DENR: variants seen among roughly 807,000 people sequenced by gnomAD.
DENR encodes the protein density-regulated protein.
DENR carries 6 observed loss-of-function variants against 30.6 expected under a neutral mutation model. The observed-to-expected ratio is 0.20, with a 90% CI of 0.11 to 0.39. The LOEUF is 0.39. Ranked by LOEUF, DENR falls within the 10% of genes least tolerant of loss-of-function variation. The probability of loss-of-function intolerance (pLI) is 1.00; values close to 1 mark genes in which losing one functional copy is unlikely to be tolerated. For synonymous variants in DENR, 78 were observed against 72.1 expected, an observed-to-expected ratio of 1.08 and a Z score of -0.41; for missense variants, 141 against 230.9, an observed-to-expected ratio of 0.61 and a Z score of 2.52.
intron 2 of DENR, among the ~76,000 whole-genome samples, chr12:122,756,275 CCT>C (rs1196621590): frequency 4.4e-5 from 6 of 134,938 alleles, no homozygotes; most frequent in African/African-American, 2.4e-4. Context: ...ATGGTGAAAC[CCT>C]GTCTCTACTA....
chr12:122,762,920 C>A lies in DENR; in HGVS notation c.202C>A (p.Leu68Ile). The part of the protein sequence containing the change: ...EKNFPNEFAK[L>I]TVENSPKQEA... ...GAATTTTCCAAATGAATTTGCAAAA[C>A]TTACTGTAGGTATGAACATTTTTTT... is the stretch of plus-strand genomic sequence containing the variant. The change falls in exon 4 of 8, where the codon CTT (leucine) becomes ATT (isoleucine). Residue 68 changes from leucine to isoleucine, a missense_variant. Around this residue, in one of 2 missense-constraint regions of DENR, gnomAD observed 104 missense variants for 138.3 expected, o/e 0.75. Transcript: ENST00000280557. The A allele has an allele frequency of 2.6e-6, 4 of 1,540,458 alleles. No homozygotes were observed. Among genetic ancestry groups the A allele is most frequent in the Non-Finnish European group, 3.5e-6 (4 of 1,140,158 alleles).
chr12:122,761,502 T>G (rs1450431519), intron 2 of DENR, among the ~76,000 whole-genome samples: 1 of 152,014 alleles, frequency 6.6e-6, no homozygotes, highest in African/African-American at 2.4e-5. Context: ...TAAAAAGTGG[T>G]GGCTGTTTTG....
At chr12:122,753,589 C>G (rs1383956024) in intron 1 of DENR, 104 bp from the exon 2 acceptor site, 1 of 830,798 alleles carries the variant, frequency 1.2e-6, no homozygotes, top group African/African-American at 1.7e-5. Context: ...CAACAACAGA[C>G]TTGAAACAGC....
intron 2 of DENR, among the ~76,000 whole-genome samples, chr12:122,755,624 T>C (rs1878531027): frequency 6.6e-6 from 1 of 152,212 alleles, no homozygotes; most frequent in African/African-American, 2.4e-5. Flanking sequence ...CTGATACATT[T>C]ATTTTAACAA....
chr12:122,762,741 G>T, intron 3 of DENR, 104 bp from the exon 4 acceptor site: 2 of 771,626 alleles, frequency 2.6e-6, no homozygotes, highest in Non-Finnish European at 4.2e-6. Context: ...GGAGTGGTTT[G>T]TTTTATTCTT....
chr12:122,768,895 G>T lies in DENR; in HGVS notation c.526G>T (p.Asp176Tyr). 2 of 1,612,156 alleles carry T rather than the reference G, an allele frequency of 1.2e-6. No individual in the cohort carries two copies. The highest frequency in any genetic ancestry group is 1.7e-6 in the Non-Finnish European group (2 of 1,179,132). Residue 176 changes from aspartate (D) to tyrosine (Y), a missense_variant, in exon 7 of 8, where the codon GAT (aspartate) becomes TAT (tyrosine). Asp to Tyr is a radical substitution (Grantham distance 160, BLOSUM62 -3). This residue lies in a region of DENR where 37 missense variants were observed against 92.6 expected (regional missense o/e 0.40). Coordinates refer to ENST00000280557, the MANE Select transcript of DENR (RefSeq NM_003677.5). ...IQGDFTDDIIDVIQEKWPEVD... is the reference protein window; with the variant it reads ...IQGDFTDDIIYVIQEKWPEVD... ...GGGAGATTTTACAGATGACATAATT[G>T]ATGTCATTCAGGAAAAATGGCCAGA...
chr12:122,759,647 G>A (rs1038082609), intron 2 of DENR, among the ~76,000 whole-genome samples: 1 of 152,220 alleles, frequency 6.6e-6, no homozygotes, highest in Non-Finnish European at 1.5e-5. Context: ...CTTGGACCCA[G>A]GAGGTAGAGG....
rs1290906889 is a variant in DENR, at chr12:122,770,651, A to G, written c.*1573A>G. 1 of 398,458 alleles carries G rather than the reference A, an allele frequency of 2.5e-6. No individual in the cohort carries two copies. The highest frequency in any genetic ancestry group is 4.4e-6 in the Non-Finnish European group (1 of 226,056). The allele number at this position is 398,458 out of a possible 1,614,324, so 24.7% of individuals were successfully genotyped here. ...TTAAGTCAGGTGCTGCAAATTGGAA[A>G]GAAGACTTGTGGTGTTTTAAGTTGC... On this transcript the variant is annotated 3_prime_UTR_variant, in exon 8 of 8. Transcript: ENST00000280557.
Position 122,769,535 on chromosome 12 carries a change from C to T in DENR, c.*457C>T, listed in dbSNP as rs1403758494. On this transcript the variant is annotated 3_prime_UTR_variant, in exon 8 of 8. Transcript: ENST00000280557. ...CTCTCTTTTTTTTTTTTGACAGAGTCTCGCACTGTTGCCTGGGCTGGAATG... is the reference window on the plus strand; with the variant it reads ...CTCTCTTTTTTTTTTTTGACAGAGTTTCGCACTGTTGCCTGGGCTGGAATG... 2.1e-6 allele frequency: 2 copies of T among 946,834 alleles called. No homozygotes were observed. The highest frequency in any genetic ancestry group is 1.8e-5 in the African/African-American group (1 of 54,828). 58.7% of individuals were successfully genotyped at this position (946,834 alleles called of 1,614,324 possible). A position where few individuals can be genotyped will look rare whatever the true frequency, so the allele number is the denominator to read the frequency against.
chr12:122,763,156 GT>G, intron 4 of DENR: 1 of 342,054 alleles, frequency 2.9e-6, no homozygotes, highest in Non-Finnish European at 5.3e-6. Flanking sequence ...AATCCTAGCA[GT>G]TTGGGAGGCT....
rs578250830 is a variant in DENR, at chr12:122,767,521, C to A, written c.329C>A (p.Thr110Asn). 5 of 1,588,404 alleles carry A rather than the reference C, an allele frequency of 3.1e-6. No homozygotes were observed. In the African/African-American group the frequency reaches 6.7e-5, roughly 21 times the overall value. Residue 110 changes from threonine (T) to asparagine (N), a missense_variant, in exon 6 of 8, where the codon ACC (threonine) becomes AAC (asparagine). Physicochemically the swap from Thr to Asn is moderately conservative, Grantham distance 65 (BLOSUM62 0). Around this residue, in one of 2 missense-constraint regions of DENR, gnomAD observed 104 missense variants for 138.3 expected, o/e 0.75. Transcript: ENST00000280557. ...GRGQIKQKKK[T>N]VPQKVTIAKI... ...GGTCAAATAAAACAAAAAAAGAAGACCGTACCACAAAAGGTTACTATAGCC... is the reference window on the plus strand; with the variant it reads ...GGTCAAATAAAACAAAAAAAGAAGAACGTACCACAAAAGGTTACTATAGCC...
At chr12:122,753,843 C>G (rs750172400) in intron 2 of DENR, 36 bp downstream of exon 2, 3 of 1,494,294 alleles carry the variant, frequency 2.0e-6, no homozygotes, top group Admixed American at 1.7e-5. Flanking sequence ...CTTTTACTCA[C>G]TATACTTTTA....
rs778217539 is a variant in DENR, at chr12:122,770,819, A to G, written c.*1741A>G. On this transcript the variant is annotated 3_prime_UTR_variant, in exon 8 of 8. Transcript: ENST00000280557. ...GTAAAATTAAAAAATGGAATTCTCC[A>G]TTAACTGTGGATTTTACTAAATAGA... 2 of 397,988 alleles carry G rather than the reference A, an allele frequency of 5.0e-6. No individual in the cohort carries two copies. Among genetic ancestry groups the G allele is most frequent in the Non-Finnish European group, 4.4e-6 (1 of 225,918 alleles). 24.7% of individuals were successfully genotyped at this position (397,988 alleles called of 1,614,324 possible).
chr12:122,765,201 G>C, intron 4 of DENR, 103 bp from the exon 5 acceptor site: 1 of 817,744 alleles, frequency 1.2e-6, no homozygotes, highest in East Asian at 2.7e-5. Context: ...CTCAGCTGTT[G>C]GTAAGATGCC....
rs533928671 is a variant in DENR, at chr12:122,764,517, G to A, written c.212-787G>A. On this transcript the variant is annotated intron_variant, in intron 4 of 7. Transcript: ENST00000280557. ...TGGGAGGCTGAGGCAGGAGAATGGCGTGAATCCGGGAGGCAGAGCTTGCAG... is the reference window on the plus strand; with the variant it reads ...TGGGAGGCTGAGGCAGGAGAATGGCATGAATCCGGGAGGCAGAGCTTGCAG... 5.9e-5 allele frequency among the ~76,000 whole-genome samples: 9 copies of A among 152,168 alleles called. No homozygotes were observed. In the South Asian group the frequency reaches 1.5e-3, roughly 25 times the overall value.
intron 3 of DENR, 78 bp from the exon 4 acceptor site, chr12:122,762,766 TA>T (rs1878736443): frequency 1.5e-5 from 14 of 928,526 alleles, no homozygotes; most frequent in Admixed American, 7.7e-5. Flanking sequence ...TTAACAAGTA[TA>T]GGGGGTGATT....
intron 2 of DENR, among the ~76,000 whole-genome samples, chr12:122,757,200 G>T (rs1878572406): frequency 5.3e-5 from 8 of 152,074 alleles, no homozygotes; most frequent in Admixed American, 5.2e-4. Context: ...CAAAAAGAAG[G>T]ATGCAAATTA....
intron 2 of DENR, among the ~76,000 whole-genome samples, chr12:122,756,793 G>GT (rs1358263930): frequency 6.6e-6 from 1 of 152,224 alleles, no homozygotes; most frequent in African/African-American, 2.4e-5. Flanking sequence ...GTAGATAATT[G>GT]TAAGTCATTG....
intron 5 of DENR, 118 bp from the exon 6 acceptor site, chr12:122,767,370 T>C (rs1878877124): frequency 1.5e-6 from 1 of 647,198 alleles, no homozygotes; most frequent in Admixed American, 3.2e-5. Context: ...TGGATGTGTT[T>C]AGTAATTTTT....
Sources: allele counts gnomAD v4.1 joint callset (sites outside exome capture counted in the v4.1 genomes callset), GRCh38; gene constraint gnomAD v4.1.1; regional missense constraint gnomAD v4.1.1; transcripts MANE v1.5; gene names NCBI Gene and HGNC (gene_info 2026-07-23, HGNC 2026-07-21).